The following ATP10B variants were observed in gnomAD, a reference collection of about 807,000 sequenced individuals.
ATP10B encodes the protein ATPase phospholipid transporting 10B (putative).
ATP10B carries 122 observed loss-of-function variants against 141.2 expected under a neutral mutation model. That is an observed-to-expected ratio of 0.86 (90% CI 0.75 to 1.00). ATP10B has a LOEUF of 1.00. Among genes scored for constraint, ATP10B ranks in the 50% least tolerant of loss-of-function variants. The pLI is 0.00. For missense variants in ATP10B, 1,876 were observed against 1,825.3 expected (o/e 1.03, Z -0.51); for synonymous variants, 685 against 692.0 (o/e 0.99, Z 0.16).
chr5:160,796,522 A>C (rs745387531), intron 1 of ATP10B, among the ~76,000 whole-genome samples: 4 of 152,142 alleles, frequency 2.6e-5, no homozygotes, highest in African/African-American at 7.2e-5. Context: ...TCTTTCCCAG[A>C]TGCATTCAGG....
At chr5:160,603,298 A>G (rs1757199756) in intron 20 of ATP10B, 1 of 154,578 alleles carries the variant, frequency 6.5e-6, no homozygotes, top group African/African-American at 2.4e-5. Flanking sequence ...TAAAAAATGG[A>G]ATAGCAATCC....
At chr5:160,657,797 G>A (rs1761610265) in intron 7 of ATP10B, among the ~76,000 whole-genome samples, 3 of 152,208 alleles carry the variant, frequency 2.0e-5, no homozygotes, top group Admixed American at 2.0e-4. Context: ...TATCTCTCTT[G>A]TTTACTTCTG....
chr5:160,674,426 A>G (rs1342805059), intron 6 of ATP10B, among the ~76,000 whole-genome samples: 1 of 152,188 alleles, frequency 6.6e-6, no homozygotes, highest in Non-Finnish European at 1.5e-5. Flanking sequence ...TGTCCTGTCA[A>G]GTCCTGTCAT....
At chr5:160,567,670 T>TG (rs1171506034) in intron 25 of ATP10B, among the ~76,000 whole-genome samples, 1 of 152,072 alleles carries the variant, frequency 6.6e-6, no homozygotes, top group Non-Finnish European at 1.5e-5. Flanking sequence ...GCATGATGGC[T>TG]GAAGCTTGGG....
the ATP10B span, among the ~76,000 whole-genome samples, chr5:160,866,654 A>G: frequency 6.6e-6 from 1 of 152,188 alleles, no homozygotes; most frequent in African/African-American, 2.4e-5. Flanking sequence ...AGCCTGGGCA[A>G]CAAGAGCAAA....
At chr5:160,640,639 A>G in intron 9 of ATP10B, 47 bp from the exon 10 acceptor site, 1 of 1,609,392 alleles carries the variant, frequency 6.2e-7, no homozygotes, top group Non-Finnish European at 8.5e-7. Flanking sequence ...CTGTTTGCCT[A>G]TGTCTTACAC....
chr5:160,865,793 C>G, the ATP10B span, among the ~76,000 whole-genome samples: 1 of 152,060 alleles, frequency 6.6e-6, no homozygotes, highest in Non-Finnish European at 1.5e-5. Context: ...GATACACAAA[C>G]AGCCAACAAA....
the ATP10B span, among the ~76,000 whole-genome samples, chr5:160,874,298 T>C: frequency 5.3e-5 from 8 of 151,656 alleles, no homozygotes; most frequent in African/African-American, 1.7e-4. Flanking sequence ...CGGCAGGGTA[T>C]TCCAACAGAC....
chr5:160,598,019 T>C (rs1386976314), intron 22 of ATP10B, among the ~76,000 whole-genome samples: 1 of 74,138 alleles, frequency 1.3e-5, no homozygotes, highest in Non-Finnish European at 3.5e-5. Flanking sequence ...AGAAATACCA[T>C]TTGACCCAGC....
intron 2 of ATP10B, among the ~76,000 whole-genome samples, chr5:160,719,182 C>T (rs868703043): frequency 6.6e-6 from 1 of 152,138 alleles, no homozygotes; most frequent in Admixed American, 6.5e-5. Flanking sequence ...GGGCGGATCA[C>T]GAGGTCAGGA....
chr5:160,621,816 C>T (rs1758364229), intron 14 of ATP10B, among the ~76,000 whole-genome samples: 1 of 152,210 alleles, frequency 6.6e-6, no homozygotes, highest in Non-Finnish European at 1.5e-5. Context: ...ACTTCACATA[C>T]ATGACCATTC....
At chr5:160,879,414 A>C in the ATP10B span, among the ~76,000 whole-genome samples, 1 of 125,102 alleles carries the variant, frequency 8.0e-6, no homozygotes, top group Non-Finnish European at 1.7e-5. Flanking sequence ...GAGGGATAGC[A>C]TTGGGAGATA....
intron 2 of ATP10B, among the ~76,000 whole-genome samples, chr5:160,781,333 G>A (rs979353843): frequency 2.6e-5 from 4 of 152,092 alleles, no homozygotes; most frequent in South Asian, 4.1e-4. Flanking sequence ...AATAGCAATC[G>A]CCCTTTTGCC....
chr5:160,818,016 T>C (rs1429262410), intron 1 of ATP10B, among the ~76,000 whole-genome samples: 2 of 152,222 alleles, frequency 1.3e-5, no homozygotes, highest in African/African-American at 4.8e-5. Flanking sequence ...GATTAAAGAC[T>C]TAAATGTTAG....
chr5:160,833,933 A>T (rs1382913503), intron 1 of ATP10B, among the ~76,000 whole-genome samples: 1 of 152,154 alleles, frequency 6.6e-6, no homozygotes, highest in South Asian at 2.1e-4. Context: ...CTTTGTTATG[A>T]ATATAATATA....
At chr5:160,569,029 G>A (rs1420952768) in intron 25 of ATP10B, among the ~76,000 whole-genome samples, 1 of 152,188 alleles carries the variant, frequency 6.6e-6, no homozygotes, top group Non-Finnish European at 1.5e-5. Flanking sequence ...TGGAATGTTT[G>A]ACTTGATCTT....
chr5:160,610,569 T>C (rs1757665707), intron 18 of ATP10B, among the ~76,000 whole-genome samples: 2 of 152,328 alleles, frequency 1.3e-5, no homozygotes, highest in Non-Finnish European at 2.9e-5. Flanking sequence ...TATGTACCAA[T>C]AGATAATTAG....
intron 1 of ATP10B, among the ~76,000 whole-genome samples, chr5:160,837,838 A>G (rs969175562): frequency 3.3e-5 from 5 of 152,150 alleles, no homozygotes; most frequent in Non-Finnish European, 5.9e-5. Flanking sequence ...ATACGCCTGT[A>G]CTTGTTATTA....
rs1301778362 is a variant in ATP10B at position 160,579,069 on chromosome 5, T to G, written c.3751-9386A>C. 3.9e-5 allele frequency among the ~76,000 whole-genome samples: 6 copies of G among 152,240 alleles called. No homozygotes were observed. The East Asian group carries it at 1.2e-3, about 29-fold the overall frequency. ...ATTTAAGTTCCTTGTAGATTGTGGA[T>G]ATTAGCCCTTTGTCAGATGGATAGA... On this transcript the variant is annotated intron_variant, in intron 24 of 25. Transcript: ENST00000327245.
Sources: allele counts gnomAD v4.1 joint callset (sites outside exome capture counted in the v4.1 genomes callset), GRCh38; gene constraint gnomAD v4.1.1; transcripts MANE v1.5; gene names NCBI Gene and HGNC (gene_info 2026-07-23, HGNC 2026-07-21).